The following SYNE1 variants were observed in gnomAD, a reference collection of about 807,000 sequenced individuals.
SYNE1 encodes spectrin repeat containing nuclear envelope protein 1.
A neutral mutation model predicts 1,111.0 loss-of-function variants in SYNE1; 616 were observed. That is an observed-to-expected ratio of 0.55 (90% confidence interval 0.52 to 0.59). The LOEUF (loss-of-function observed/expected upper bound fraction) is 0.59. Ranked by LOEUF, SYNE1 falls within the 20% of genes least tolerant of loss-of-function variation. The probability of loss-of-function intolerance (pLI) is 0.00; values close to 1 mark genes in which losing one functional copy is unlikely to be tolerated. For synonymous variants in SYNE1, 3,855 were observed against 3,825.8 expected (o/e 1.01, Z -0.28); for missense variants, 10,006 against 10,417.0 (o/e 0.96, Z 1.72).
intron 8 of SYNE1, 53 bp from the exon 9 acceptor site, chr6:152,505,450 C>A (rs1440724951): frequency 5.0e-6 from 8 of 1,592,696 alleles, no homozygotes; most frequent in Non-Finnish European, 6.9e-6. Context: ...GATACAAGCA[C>A]TTTCTTCAAG....
intron 132 of SYNE1, among the ~76,000 whole-genome samples, chr6:152,155,652 T>G (rs2061253295): frequency 6.6e-6 from 1 of 152,214 alleles, no homozygotes; most frequent in African/African-American, 2.4e-5. Context: ...TTATGCTTGT[T>G]TGACAAGGGT....
intron 2 of SYNE1, among the ~76,000 whole-genome samples, chr6:152,628,977 G>A (rs2099692071): frequency 6.6e-6 from 1 of 152,090 alleles, no homozygotes; most frequent in Admixed American, 6.5e-5. Flanking sequence ...CTCTTTCCAG[G>A]AATGGGACCA....
chr6:152,592,473 C>T (rs1486585931), intron 3 of SYNE1, among the ~76,000 whole-genome samples: 1 of 152,144 alleles, frequency 6.6e-6, no homozygotes, highest in African/African-American at 2.4e-5. Flanking sequence ...AATAGAAAAC[C>T]AAATACTGCA....
chr6:152,273,819 T>TC (rs2093394255), intron 98 of SYNE1, among the ~76,000 whole-genome samples: 1 of 152,188 alleles, frequency 6.6e-6, no homozygotes, highest in East Asian at 1.9e-4. Context: ...CTGGGCCTGC[T>TC]CCCCTCATTG....
chr6:152,267,965 G>A (rs566604088), intron 100 of SYNE1, 91 bp downstream of exon 100: 2 of 1,185,582 alleles, frequency 1.7e-6, no homozygotes, highest in East Asian at 2.4e-5. Context: ...TGCAGAAGAT[G>A]TTTAAAATAA....
rs778734244 is a variant in SYNE1, at chr6:152,132,166, C to T, written c.26050G>A (p.Val8684Met). Residue 8684 changes from valine to methionine, a missense_variant, in exon 144 of 146, where the codon GTG becomes ATG. Around this residue, in one of 7 missense-constraint regions of SYNE1, gnomAD observed 761 missense variants for 795.5 expected, o/e 0.96. Coordinates refer to ENST00000367255, the MANE Select transcript of SYNE1 (RefSeq NM_182961.4). Reference sequence around the variant, plus strand: ...GTGCTCCTTCCTGATGTGGGACTCACAGACCCTGAGGTGTCCAGTTCATCA... The same window carrying T: ...GTGCTCCTTCCTGATGTGGGACTCATAGACCCTGAGGTGTCCAGTTCATCA... Reference protein sequence around the residue: ...SADELDTSGSVSPTSGRSTPN... With the variant: ...SADELDTSGSMSPTSGRSTPN... 2.5e-6 allele frequency: 4 copies of T among 1,614,054 alleles called. No homozygotes were observed. The African/African-American group carries it at 5.3e-5, about 22-fold the overall frequency.
intron 69 of SYNE1, 131 bp from the exon 70 acceptor site, chr6:152,352,484 C>T: frequency 2.2e-6 from 2 of 911,098 alleles, no homozygotes; most frequent in South Asian, 1.6e-5. Flanking sequence ...CTCACTGCAA[C>T]TTCCGCCTCC....
chr6:152,375,317 A>T (rs981299433), intron 58 of SYNE1, among the ~76,000 whole-genome samples: 1 of 152,230 alleles, frequency 6.6e-6, no homozygotes, highest in African/African-American at 2.4e-5. Context: ...CCAAGAATTT[A>T]AAAAGGTGAA....
chr6:152,215,001 T>C lies in SYNE1; in HGVS notation c.22251A>G (p.Gly7417=). Residue 7417 remains glycine (G), a synonymous_variant, in exon 122 of 146, where the codon GGA becomes GGG. Transcript: ENST00000367255. The part of the protein sequence containing the change: ...APDLDRLNEL[G]YRLPLNDKEI... ...CCTTATCATTCAAGGGTAACCTATA[T>C]CCAAGCTCATTTAGACGGTCTAAAT... is the stretch of plus-strand genomic sequence containing the variant. The C allele has an allele frequency of 6.2e-7, 1 of 1,614,166 alleles. No homozygotes were observed. The highest frequency in any genetic ancestry group is 8.5e-7 in the Non-Finnish European group (1 of 1,180,010).
At chr6:152,614,898 C>T (rs192609472) in intron 3 of SYNE1, among the ~76,000 whole-genome samples, 7 of 152,200 alleles carry the variant, frequency 4.6e-5, no homozygotes, top group East Asian at 1.9e-4. Context: ...AACCAAATAC[C>T]AAATGTTCTC....
intron 101 of SYNE1, among the ~76,000 whole-genome samples, chr6:152,260,788 G>C (rs1649813103): frequency 6.6e-6 from 1 of 151,854 alleles, no homozygotes; most frequent in African/African-American, 2.4e-5. Flanking sequence ...ATGCAACCTA[G>C]ATCACTCACA....
chr6:152,328,385 TTTATTTA>T (rs1159592097), intron 78 of SYNE1, among the ~76,000 whole-genome samples: 20 of 32,326 alleles, frequency 6.2e-4, no homozygotes, highest in East Asian at 3.9e-3. Context: ...TTTTATTTTA[TTTATTTA>T]TTTATTTATT....
chr6:152,219,782 T>C (rs1490487310), intron 119 of SYNE1, among the ~76,000 whole-genome samples: 2 of 152,186 alleles, frequency 1.3e-5, no homozygotes, highest in Non-Finnish European at 2.9e-5. Flanking sequence ...TTCTTTTCCA[T>C]GGGATCTCTT....
chr6:152,283,531 G>A lies in SYNE1; in HGVS notation c.18207+447C>T, dbSNP rs1050763437. ...TTCGGGAGACTGTTTTGTTTTGTTTGTTTGTTTGTTTGTTTGCTTTTTTGA... is the reference window on the plus strand; with the variant it reads ...TTCGGGAGACTGTTTTGTTTTGTTTATTTGTTTGTTTGTTTGCTTTTTTGA... On this transcript the variant is annotated intron_variant, in intron 96 of 145. Coordinates refer to ENST00000367255, the MANE Select transcript of SYNE1 (RefSeq NM_182961.4). Among the ~76,000 whole-genome samples, 16 of 152,204 alleles carry A rather than the reference G, an allele frequency of 1.1e-4. 1 individual carries two copies. The highest frequency in any genetic ancestry group is 1.0e-3 in the Admixed American group (16 of 15,274).
chr6:152,492,635 A>G (rs1179417841), intron 11 of SYNE1, among the ~76,000 whole-genome samples: 1 of 152,198 alleles, frequency 6.6e-6, no homozygotes, highest in Non-Finnish European at 1.5e-5. Flanking sequence ...CTCTGGCCCA[A>G]GGCTCTCTGA....
chr6:152,325,259 G>A lies in SYNE1; in HGVS notation c.15482C>T (p.Ala5161Val), dbSNP rs1427795402. 1.9e-6 allele frequency: 3 copies of A among 1,614,132 alleles called. No homozygotes were observed. The highest frequency in any genetic ancestry group is 1.1e-5 in the South Asian group (1 of 91,078). ...VVNSFHEKIV[A>V]LEEKASQLEK... Reference sequence around the variant, plus strand: ...CAGTTGTGAAGCTTTTTCCTCAAGGGCCACAATTTTCTCATGGAAAGAGTT... The same window carrying A: ...CAGTTGTGAAGCTTTTTCCTCAAGGACCACAATTTTCTCATGGAAAGAGTT... The change falls in exon 81 of 146, where the codon GCC (alanine) becomes GTC (valine). Residue 5161 changes from alanine (A) to valine (V), a missense_variant. By Grantham distance (64) the Ala-to-Val change is moderately conservative. Transcript: ENST00000367255.
intron 67 of SYNE1, among the ~76,000 whole-genome samples, chr6:152,354,252 AAGGCTC>A (rs1317107378): frequency 1.3e-5 from 2 of 152,238 alleles, no homozygotes; most frequent in Non-Finnish European, 2.9e-5. Flanking sequence ...ATAAATTCCT[AAGGCTC>A]AAGCATTATT....
At position 152,215,601 on chromosome 6, in the gene SYNE1, C is replaced by T. The variant is rs112324558; in HGVS notation, c.22192-541G>A. On this transcript the variant is annotated intron_variant, in intron 121 of 145. Transcript: ENST00000367255. The stretch of plus-strand genomic sequence containing the variant: ...ACCATTTACGTTTAATTTGTTCATG[C>T]TAATTTCCTCCTTTATTATTCACAA... Among the ~76,000 whole-genome samples, 1,107 of 152,264 alleles carry T rather than the reference C, an allele frequency of 7.3e-3. 16 individuals are homozygous for T. The highest frequency in any genetic ancestry group is 0.025 in the African/African-American group (1,019 of 41,570).
At chr6:152,135,045 T>TA in intron 142 of SYNE1, 59 bp downstream of exon 142, 1 of 1,610,674 alleles carries the variant, frequency 6.2e-7, no homozygotes, top group South Asian at 1.1e-5. Flanking sequence ...TCATTTTCTG[T>TA]AAATGAAATG....
Sources: allele counts gnomAD v4.1 joint callset (sites outside exome capture counted in the v4.1 genomes callset), GRCh38; gene constraint gnomAD v4.1.1; regional missense constraint gnomAD v4.1.1; transcripts MANE v1.5; gene names NCBI Gene and HGNC (gene_info 2026-07-23, HGNC 2026-07-21).